XKRX: variants seen among roughly 807,000 people sequenced by gnomAD.
The protein encoded by XKRX is XK-related protein 2.
In XKRX, 11 loss-of-function variants were observed where a neutral mutation model predicts 22.4. The ratio of observed to expected loss-of-function variants is 0.49; its 90% CI spans 0.31 to 0.81. XKRX has a LOEUF of 0.81. Ranked by LOEUF, XKRX falls within the 40% of genes least tolerant of loss-of-function variation. XKRX has a pLI of 0.05. For missense variants in XKRX, 320 were observed against 336.5 expected (o/e 0.95, Z 0.38); for synonymous variants, 114 against 132.2 (o/e 0.86, Z 0.94).
chrX:100,914,926 G>A lies in XKRX; in HGVS notation c.762C>T (p.Arg254=). ...TIWRTLEITS[R]LLILVLFSAT... is the part of the protein sequence containing the mutation. ...CTGAGAAGAGCACCAGAATCAGGAGGCGGGAAGTGATCTCCAATGTCCGCC... is the reference window on the plus strand; with the variant it reads ...CTGAGAAGAGCACCAGAATCAGGAGACGGGAAGTGATCTCCAATGTCCGCC... Residue 254 remains arginine (R), a synonymous_variant, in exon 3 of 3, where the codon CGC becomes CGT. Coordinates refer to ENST00000372956, the MANE Select transcript of XKRX (RefSeq NM_212559.3). 8.3e-7 allele frequency: 1 copy of A among 1,211,692 alleles called. No homozygotes were observed. Among genetic ancestry groups the A allele is most frequent in the Non-Finnish European group, 1.1e-6 (1 of 895,559 alleles).
At chrX:100,958,589 A>G in the XKRX span, among the ~76,000 whole-genome samples, 1 of 112,322 alleles carries the variant, frequency 8.9e-6, no homozygotes, top group African/African-American at 3.2e-5. Flanking sequence ...TGATTTGAGA[A>G]AAGAGAGGAG....
At chrX:100,957,851 T>C in the XKRX span, among the ~76,000 whole-genome samples, 1 of 111,739 alleles carries the variant, frequency 8.9e-6, no homozygotes, top group South Asian at 3.8e-4. Context: ...GGTGTCCTGA[T>C]TGCATCTAGG....
rs2085421842 is a variant in XKRX, at chrX:100,914,497, G to A, written c.1191C>T (p.Phe397=). The part of the protein sequence containing the change: ...LIIAYLISIG[F]MLLFFQYLHP... The stretch of plus-strand genomic sequence containing the variant: ...GCAAGTACTGGAAGAAAAGGAGCAT[G>A]AAGCCAATGGAAATCAGATAAGCAA... Residue 397 remains phenylalanine, a synonymous_variant, in exon 3 of 3, where the codon TTC becomes TTT. Transcript: ENST00000372956. The A allele has an allele frequency of 8.3e-7, 1 of 1,211,855 alleles. No homozygotes were observed. Among genetic ancestry groups the A allele is most frequent in the Non-Finnish European group, 1.1e-6 (1 of 895,542 alleles).
At position 100,928,259 on chromosome X, in the gene XKRX, C is replaced by G; in HGVS notation, c.46G>C (p.Val16Leu). ...EIPEEPNVDP[V>L]SSLEEDVIRG... ...ATGACATCTTCCTCCAGAGATGAAA[C>G]CGGATCCACATTTGGCTCCTCAGGA... is the stretch of plus-strand genomic sequence containing the variant. Residue 16 changes from valine to leucine, a missense_variant, in exon 1 of 3, where the codon GTT becomes CTT. Coordinates refer to ENST00000372956, the MANE Select transcript of XKRX (RefSeq NM_212559.3). 1 of 1,211,399 alleles carries G rather than the reference C, an allele frequency of 8.3e-7. No individual in the cohort carries two copies. The highest frequency in any genetic ancestry group is 2.2e-5 in the Admixed American group (1 of 45,959).
rs763696599 is a variant in XKRX, at chrX:100,917,634, G to A, written c.605-2551C>T. Among the ~76,000 whole-genome samples the A allele has an allele frequency of 6.1e-4, 30 of 49,033 alleles. 1 individual carries two copies. In the Middle Eastern group the frequency reaches 0.034, roughly 56 times the overall value. 42.6% of individuals were successfully genotyped at this position (49,033 alleles called of 115,157 possible). On this transcript the variant is annotated intron_variant, in intron 2 of 2. Coordinates refer to ENST00000372956, the MANE Select transcript of XKRX (RefSeq NM_212559.3). The stretch of plus-strand genomic sequence containing the variant: ...AAAGAGAGAAAGAAAGAGAAAGAAA[G>A]AAGAAAGAAAGAAAGAAAGAAAGAA...
chrX:100,923,816 GCTTTTT>G (rs1000858385), intron 1 of XKRX, among the ~76,000 whole-genome samples: 20 of 105,072 alleles, frequency 1.9e-4, no homozygotes, highest in Non-Finnish European at 3.7e-4. Flanking sequence ...TTTAGATTCT[GCTTTTT>G]CTTTTTCTTT....
intron 1 of XKRX, among the ~76,000 whole-genome samples, chrX:100,925,768 A>G (rs1484941742): frequency 8.9e-6 from 1 of 112,310 alleles, no homozygotes; most frequent in African/African-American, 3.2e-5. Context: ...TCAAAGATTT[A>G]GAACCGTAAA....
upstream of XKRX, among the ~76,000 whole-genome samples, chrX:100,929,629 T>C (rs1185784382): frequency 9.0e-6 from 1 of 110,798 alleles, no homozygotes; most frequent in Non-Finnish European, 1.9e-5. Context: ...AGGGTCAGAG[T>C]TTTCGGCGGA....
the XKRX span, among the ~76,000 whole-genome samples, chrX:100,891,983 G>C: frequency 9.0e-6 from 1 of 111,148 alleles, no homozygotes; most frequent in Non-Finnish European, 1.9e-5. Context: ...CATTGGTCTA[G>C]ACAATAAATT....
chrX:100,910,431 C>G (rs992552872), downstream of XKRX, among the ~76,000 whole-genome samples: 2 of 109,686 alleles, frequency 1.8e-5, no homozygotes, highest in Admixed American at 9.8e-5. Context: ...ACTAAAAATA[C>G]AAAATTAGCC....
At chrX:100,900,849 T>C in the XKRX span, among the ~76,000 whole-genome samples, 1 of 102,161 alleles carries the variant, frequency 9.8e-6, no homozygotes, top group East Asian at 3.1e-4. Context: ...GAGTGCAGTG[T>C]CACGATCTCG....
the XKRX span, among the ~76,000 whole-genome samples, chrX:100,901,276 A>G: frequency 8.9e-6 from 1 of 112,212 alleles, no homozygotes; most frequent in African/African-American, 3.2e-5. Flanking sequence ...TAAGAAATTC[A>G]CTTTACATTT....
chrX:100,897,593 A>ATATATGTGTGTG, the XKRX span, among the ~76,000 whole-genome samples: 8 of 66,458 alleles, frequency 1.2e-4, no homozygotes, highest in African/African-American at 4.8e-4. Context: ...AAATATATAT[A>ATATATGTGTGTG]TGTGTGTGTG....
At chrX:100,900,687 A>G in the XKRX span, among the ~76,000 whole-genome samples, 1 of 109,724 alleles carries the variant, frequency 9.1e-6, no homozygotes, top group Non-Finnish European at 1.9e-5. Context: ...TGGTTTTCAA[A>G]GACTGAATCT....
the XKRX span, among the ~76,000 whole-genome samples, chrX:100,904,957 C>A: frequency 8.9e-6 from 1 of 111,743 alleles, no homozygotes; most frequent in Non-Finnish European, 1.9e-5. Flanking sequence ...GAAACAGACG[C>A]CTTTTGCCTG....
At position 100,928,026 on chromosome X, in the gene XKRX, G is replaced by C. The variant is rs763472909; in HGVS notation, c.279C>G (p.Ala93=). 10 of 1,209,966 alleles carry C rather than the reference G, an allele frequency of 8.3e-6. No individual in the cohort carries two copies. The highest frequency in any genetic ancestry group is 1.0e-5 in the Non-Finnish European group (9 of 894,773). The change falls in exon 1 of 3, where the codon GCC becomes GCG. Residue 93 remains alanine (A), a synonymous_variant. Transcript: ENST00000372956. ...LTLIFVHRDL[A]KDKPLSLFMH... Reference sequence around the variant, plus strand: ...TAAATAATGATAGCGGTTTATCTTTGGCTAGATCTCTGTGGACAAAAATGA... The same window carrying C: ...TAAATAATGATAGCGGTTTATCTTTCGCTAGATCTCTGTGGACAAAAATGA...
intron 2 of XKRX, among the ~76,000 whole-genome samples, chrX:100,920,023 G>T (rs1473808348): frequency 9.0e-6 from 1 of 111,011 alleles, no homozygotes; most frequent in Non-Finnish European, 1.9e-5. Flanking sequence ...TAGGGCTCCT[G>T]CTGCCCCTCT....
chrX:100,951,435 A>T, the XKRX span, among the ~76,000 whole-genome samples: 1 of 79,189 alleles, frequency 1.3e-5, no homozygotes, highest in Non-Finnish European at 2.3e-5. Flanking sequence ...ATTAAAGAGA[A>T]TCCCCCGGGG....
the XKRX span, among the ~76,000 whole-genome samples, chrX:100,900,261 A>G: frequency 2.7e-5 from 3 of 110,212 alleles, no homozygotes; most frequent in Non-Finnish European, 1.9e-5. Flanking sequence ...GGGTCTCACT[A>G]TGTTGCCCAG....
Sources: allele counts gnomAD v4.1 joint callset (sites outside exome capture counted in the v4.1 genomes callset), GRCh38; gene constraint gnomAD v4.1.1; transcripts MANE v1.5; gene names NCBI Gene and HGNC (gene_info 2026-07-23, HGNC 2026-07-21).